The following MAD1L1 variants were observed in gnomAD, a reference collection of about 807,000 sequenced individuals.
The protein encoded by MAD1L1 is mitotic spindle assembly checkpoint protein MAD1.
MAD1L1 carries 95 observed loss-of-function variants against 96.9 expected under a neutral mutation model. The ratio of observed to expected loss-of-function variants is 0.98; its 90% CI spans 0.83 to 1.16. MAD1L1 has a LOEUF of 1.16. MAD1L1 is among the 50% of genes most tolerant of loss of function. The probability of loss-of-function intolerance (pLI) is 0.00; values close to 1 mark genes in which losing one functional copy is unlikely to be tolerated. For synonymous variants in MAD1L1, 473 were observed against 396.6 expected (o/e 1.19, Z -2.29); for missense variants, 1,007 against 954.4 (o/e 1.06, Z -0.73).
intron 11 of MAD1L1, among the ~76,000 whole-genome samples, chr7:2,139,473 C>G (rs1269813651): frequency 2.6e-5 from 4 of 152,238 alleles, no homozygotes; most frequent in Non-Finnish European, 5.9e-5. Flanking sequence ...GCTCTGTGTC[C>G]TGCCTCTGGT....
intron 14 of MAD1L1, among the ~76,000 whole-genome samples, chr7:1,985,174 G>A (rs1276293569): frequency 1.3e-5 from 2 of 152,204 alleles, no homozygotes; most frequent in Non-Finnish European, 2.9e-5. Flanking sequence ...ATTTGAATCG[G>A]GGACTCAGCA....
intron 17 of MAD1L1, among the ~76,000 whole-genome samples, chr7:1,927,925 G>A (rs1051083176): frequency 7.2e-5 from 11 of 152,074 alleles, no homozygotes; most frequent in Non-Finnish European, 1.6e-4. Context: ...TACTCAACTT[G>A]GATTCACCCC....
intron 17 of MAD1L1, 27 bp downstream of exon 17, chr7:1,936,660 C>T: frequency 1.9e-6 from 3 of 1,541,494 alleles, no homozygotes; most frequent in Non-Finnish European, 1.7e-6. Flanking sequence ...TCGAGGATGG[C>T]AGGGACCGGG....
At chr7:2,193,770 GTC>G (rs899641597) in intron 10 of MAD1L1, among the ~76,000 whole-genome samples, 2 of 152,326 alleles carry the variant, frequency 1.3e-5, no homozygotes, top group African/African-American at 4.8e-5. Flanking sequence ...GGAGACGCCA[GTC>G]TCACCCTAGG....
At chr7:2,069,476 G>A (rs1054920194) in intron 11 of MAD1L1, 138 bp from the exon 12 acceptor site, 9 of 788,072 alleles carry the variant, frequency 1.1e-5, no homozygotes, top group East Asian at 9.2e-5. Context: ...TGCCATTTCC[G>A]CACTGCTGAA....
intron 18 of MAD1L1, among the ~76,000 whole-genome samples, chr7:1,857,518 G>A (rs528862365): frequency 8.5e-5 from 13 of 152,286 alleles, no homozygotes; most frequent in Middle Eastern, 3.4e-3. Flanking sequence ...GGAACAGGAC[G>A]GTCCCCTCGC....
At chr7:2,184,960 C>T (rs995802234) in intron 10 of MAD1L1, among the ~76,000 whole-genome samples, 2 of 152,142 alleles carry the variant, frequency 1.3e-5, no homozygotes, top group African/African-American at 4.8e-5. Flanking sequence ...CAAGATCACA[C>T]CATGCCACTC....
chr7:2,002,985 C>T (rs987393929), intron 13 of MAD1L1, among the ~76,000 whole-genome samples: 1 of 152,296 alleles, frequency 6.6e-6, no homozygotes, highest in Non-Finnish European at 1.5e-5. Context: ...AAACACATTG[C>T]GGCTCTGTCC....
intron 17 of MAD1L1, among the ~76,000 whole-genome samples, chr7:1,934,911 AG>A (rs1204777953): frequency 1.3e-5 from 2 of 151,648 alleles, no homozygotes; most frequent in Admixed American, 6.6e-5. Flanking sequence ...CCCAGACAAC[AG>A]GGGGACAAAC....
chr7:2,232,061 C>T (rs962779426), intron 1 of MAD1L1, among the ~76,000 whole-genome samples: 2 of 152,202 alleles, frequency 1.3e-5, no homozygotes, highest in African/African-American at 4.8e-5. Context: ...TTGGGTCTGT[C>T]TGGCTTTGGA....
chr7:1,887,768 GCTGC>G (rs1044449056), intron 18 of MAD1L1, among the ~76,000 whole-genome samples: 36 of 138,454 alleles, frequency 2.6e-4, no homozygotes, highest in Admixed American at 8.1e-4. Context: ...TGTGCATGTG[GCTGC>G]CTGTGTGTGT....
chr7:1,908,330 G>A (rs1787804130), intron 17 of MAD1L1, among the ~76,000 whole-genome samples: 1 of 152,184 alleles, frequency 6.6e-6, no homozygotes, highest in Non-Finnish European at 1.5e-5. Context: ...AGAGCTGATG[G>A]GTAATTTGGC....
At chr7:1,963,944 G>A (rs902282760) in intron 15 of MAD1L1, among the ~76,000 whole-genome samples, 1 of 152,216 alleles carries the variant, frequency 6.6e-6, no homozygotes, top group African/African-American at 2.4e-5. Context: ...ATGCCTCCTG[G>A]AGAGGTTTTG....
At chr7:1,936,307 T>C (rs1296079556) in intron 17 of MAD1L1, among the ~76,000 whole-genome samples, 2 of 152,260 alleles carry the variant, frequency 1.3e-5, no homozygotes, top group African/African-American at 4.8e-5. Context: ...AAGGGCTCTC[T>C]GGACGCCATG....
intron 12 of MAD1L1, among the ~76,000 whole-genome samples, chr7:2,034,569 A>ATTTTAT (rs1783382502): frequency 6.6e-6 from 1 of 152,198 alleles, no homozygotes; most frequent in African/African-American, 2.4e-5. Flanking sequence ...GCCAAAAAAG[A>ATTTTAT]TTTTATTTTC....
At position 1,980,483 on chromosome 7, in the gene MAD1L1, A is replaced by G. The variant is rs200532851; in HGVS notation, c.1475T>C (p.Leu492Pro). 87 of 1,597,000 alleles carry G rather than the reference A, an allele frequency of 5.4e-5. No homozygotes were observed. Among genetic ancestry groups the G allele is most frequent in the Non-Finnish European group, 6.9e-5 (81 of 1,177,208 alleles). ...CGTGTCCGCCTCCTCCCTGGAGAAC[A>G]GGAAGCTCTGTTCGGCAGAGCTGGA... is the stretch of plus-strand genomic sequence containing the variant. ...SQSSSAEQSF[L>P]FSREEADTLR... The change falls in exon 15 of 19, where the codon CTG becomes CCG. Residue 492 changes from leucine to proline, a missense_variant. Leu to Pro is a moderately conservative substitution (Grantham distance 98). Transcript: ENST00000265854.
In MAD1L1 at chr7:2,097,740, G is replaced by A. The variant is rs767614226; in HGVS notation, c.1074-28402C>T. On this transcript the variant is annotated intron_variant, in intron 11 of 18. Coordinates refer to ENST00000265854, the MANE Select transcript of MAD1L1 (RefSeq NM_001013836.2). ...CACACAGCAGCAGCAGGGGCTGCCC[G>A]GACCAGCAGGGAGTGGTGCTGAGTG... Among the ~76,000 whole-genome samples the A allele has an allele frequency of 5.9e-5, 9 of 152,190 alleles. No homozygotes were observed. In the East Asian group the frequency reaches 1.4e-3, roughly 23 times the overall value.
chr7:1,877,701 T>C (rs4721139), intron 18 of MAD1L1, among the ~76,000 whole-genome samples: 101,956 of 152,022 alleles, frequency 0.67, 34,417 homozygotes, highest in South Asian at 0.77. Flanking sequence ...GATAGGTATA[T>C]ATAAATATTA....
chr7:1,906,540 G>T (rs10224148), intron 17 of MAD1L1, among the ~76,000 whole-genome samples: 1 of 152,342 alleles, frequency 6.6e-6, no homozygotes, highest in East Asian at 1.9e-4. Flanking sequence ...CCTGTTCTCC[G>T]CATGCTCTTT....
Sources: gnomAD v4.1 joint callset for allele counts (sites outside exome capture counted in the v4.1 genomes callset) on GRCh38, gnomAD v4.1.1 for gene constraint, MANE v1.5 for transcripts, NCBI Gene and HGNC (gene_info 2026-07-23, HGNC 2026-07-21) for gene names.